The following TTYH1 variants were observed in gnomAD, a reference collection of about 807,000 sequenced individuals.
TTYH1 encodes tweety family member 1.
A neutral mutation model predicts 61.2 loss-of-function variants in TTYH1; 33 were observed. The ratio of observed to expected loss-of-function variants is 0.54; its 90% confidence interval spans 0.41 to 0.72. The LOEUF (loss-of-function observed/expected upper bound fraction) is 0.72. Ranked by LOEUF, TTYH1 falls within the 30% of genes least tolerant of loss-of-function variation. The probability of loss-of-function intolerance (pLI) is 0.00; values close to 1 mark genes in which losing one functional copy is unlikely to be tolerated. For missense variants in TTYH1, 538 were observed against 575.8 expected (o/e 0.93, Z 0.67); for synonymous variants, 308 against 266.4 (o/e 1.16, Z -1.52).
At chr19:54,432,744 G>C (rs865904286) in intron 10 of TTYH1, 3 of 152,064 alleles carry the variant, frequency 2.0e-5, no homozygotes, top group Non-Finnish European at 4.4e-5. Flanking sequence ...AAGTACGCCC[G>C]GTGCAATGCT....
intron 5 of TTYH1, among the ~76,000 whole-genome samples, chr19:54,427,093 T>C (rs553874358): frequency 1.3e-3 from 200 of 151,232 alleles, no homozygotes; most frequent in Non-Finnish European, 2.3e-3. Flanking sequence ...GGTCAGGAGT[T>C]TGAGACCAGC....
intron 5 of TTYH1, among the ~76,000 whole-genome samples, chr19:54,427,331 C>T (rs1434542210): frequency 3.5e-5 from 4 of 115,602 alleles, no homozygotes; most frequent in African/African-American, 6.5e-5. Context: ...AAAGGCTGGG[C>T]GTGGTGGCTC....
In TTYH1 at chr19:54,415,945, AG is replaced by A. The variant is rs1175432624; in HGVS notation, c.126+273del. 7.9e-6 allele frequency: 8 copies of A among 1,016,596 alleles called. No individual in the cohort carries two copies. The highest frequency in any genetic ancestry group is 3.2e-5 in the African/African-American group (2 of 61,586). 63.0% of individuals were successfully genotyped at this position (1,016,596 alleles called of 1,614,324 possible). On this transcript the variant is annotated intron_variant, in intron 1 of 13. Coordinates refer to ENST00000376530, the MANE Select transcript of TTYH1 (RefSeq NM_020659.4). The surrounding 1 kb of genome is among the most constrained non-coding windows in gnomAD (Gnocchi z 5.2). ...CCCCTGAGTTCATGGAGAGGAGGGG[AG>A]GGGGGCCCGGATTCCCGGGTGTCTG...
At chr19:54,423,232 C>T (rs1489603918) in intron 4 of TTYH1, among the ~76,000 whole-genome samples, 3 of 105,548 alleles carry the variant, frequency 2.8e-5, no homozygotes, top group Non-Finnish European at 6.0e-5. Flanking sequence ...GAGTCTCACT[C>T]TGTCGCCCAG....
rs977182163 is a variant in TTYH1, at chr19:54,421,720, G to A, written c.417+332G>A. On this transcript the variant is annotated intron_variant, in intron 3 of 13. Transcript: ENST00000376530. The surrounding 1 kb of genome is among the most constrained non-coding windows in gnomAD (Gnocchi z 4.8). ...ATTCTTGGCCCGTAAGCAAGCTCAG[G>A]GACCCCCGCCCTGAGGCCCAGGTCC... Among the ~76,000 whole-genome samples, 2 of 151,990 alleles carry A rather than the reference G, an allele frequency of 1.3e-5. No homozygotes were observed. The highest frequency in any genetic ancestry group is 2.9e-5 in the Non-Finnish European group (2 of 67,976).
At position 54,425,159 on chromosome 19, in the gene TTYH1, G is replaced by A. The variant is rs561251269; in HGVS notation, c.639-1514G>A. 3.9e-5 allele frequency among the ~76,000 whole-genome samples: 6 copies of A among 152,334 alleles called. No individual in the cohort carries two copies. In the South Asian group the frequency reaches 1.0e-3, roughly 26 times the overall value. The stretch of plus-strand genomic sequence containing the variant: ...AATGGCGAGCCTCTAGCCCGATTGG[G>A]AGCGGCAATGGGTGTCTCCCTGGAT... On this transcript the variant is annotated intron_variant, in intron 4 of 13. Transcript: ENST00000376530.
In TTYH1 at chr19:54,421,422, C is replaced by T. The variant is rs749874556; in HGVS notation, c.417+34C>T. On this transcript the variant is annotated intron_variant, in intron 3 of 13. Transcript: ENST00000376530. This position sits in a 1 kb window ranked among gnomAD's most constrained non-coding sequence, Gnocchi z 4.8. ...CCAGCAACCAGTGGGACCCCAGACC[C>T]ACACCTGGACGGGCTCCCCACACCC... 15 of 1,426,386 alleles carry T rather than the reference C, an allele frequency of 1.1e-5. No homozygotes were observed. The South Asian group carries it at 1.6e-4, about 15-fold the overall frequency. 88.4% of individuals were successfully genotyped at this position (1,426,386 alleles called of 1,614,324 possible).
chr19:54,430,935 G>T (rs189114469), intron 9 of TTYH1, 30 bp downstream of exon 9: 30,436 of 1,604,748 alleles, frequency 0.019, 352 homozygotes, highest in Middle Eastern at 0.024. Flanking sequence ...CCAGACACGC[G>T]GACCCCACGG....
chr19:54,436,524 C>A lies in TTYH1; in HGVS notation c.*234C>A. The A allele has an allele frequency of 2.5e-6, 2 of 802,658 alleles. 1 individual carries two copies. The highest frequency in any genetic ancestry group is 4.3e-5 in the Admixed American group (2 of 46,722). The allele number at this position is 802,658 out of a possible 1,614,324, so 49.7% of individuals were successfully genotyped here. On this transcript the variant is annotated 3_prime_UTR_variant, in exon 14 of 14. Coordinates refer to ENST00000376530, the MANE Select transcript of TTYH1 (RefSeq NM_020659.4). This position sits in a 1 kb window ranked among gnomAD's most constrained non-coding sequence, Gnocchi z 4.3. ...GGAGTAGGGCTGGCAGGGGAGGGGG[C>A]AGACAGCCTCGCCTCGCACCCTTCA...
chr19:54,427,313 A>C (rs2083341929), intron 5 of TTYH1, among the ~76,000 whole-genome samples: 1 of 127,014 alleles, frequency 7.9e-6, no homozygotes, highest in Non-Finnish European at 1.6e-5. Flanking sequence ...AAAAAAAAAA[A>C]AAAAAAAAAA....
chr19:54,417,914 A>G (rs972671224), intron 1 of TTYH1, among the ~76,000 whole-genome samples: 7 of 152,072 alleles, frequency 4.6e-5, no homozygotes, highest in African/African-American at 1.7e-4. Context: ...TGCACCCAGG[A>G]GACACACTCA....
At chr19:54,425,639 C>A (rs1375333734) in intron 4 of TTYH1, among the ~76,000 whole-genome samples, 1 of 152,150 alleles carries the variant, frequency 6.6e-6, no homozygotes, top group East Asian at 1.9e-4. Context: ...CTAGTCCTGT[C>A]TCTCACTGTG....
Position 54,419,422 on chromosome 19 carries a change from C to T in TTYH1, c.305+116C>T. ...GGAAGCAGACAGGAAGGAGGAAACT[C>T]CCTCGTCCCTGTCCCTGCCATTTGC... is the stretch of plus-strand genomic sequence containing the variant. On this transcript the variant is annotated intron_variant, in intron 2 of 13. Transcript: ENST00000376530. This position sits in a 1 kb window ranked among gnomAD's most constrained non-coding sequence, Gnocchi z 6.1. 3 of 1,120,414 alleles carry T rather than the reference C, an allele frequency of 2.7e-6. No homozygotes were observed. The highest frequency in any genetic ancestry group is 3.9e-6 in the Non-Finnish European group (3 of 767,594). 69.4% of individuals were successfully genotyped at this position (1,120,414 alleles called of 1,614,324 possible).
At chr19:54,423,165 T>C (rs2083254055) in intron 4 of TTYH1, among the ~76,000 whole-genome samples, 1 of 151,884 alleles carries the variant, frequency 6.6e-6, no homozygotes, top group African/African-American at 2.4e-5. Context: ...ACTCAGTCGT[T>C]CATCCGTGTG....
At position 54,421,217 on chromosome 19, in the gene TTYH1, G is replaced by A; in HGVS notation, c.306-60G>A. The A allele has an allele frequency of 9.0e-7, 1 of 1,115,756 alleles. No individual in the cohort carries two copies. Among genetic ancestry groups the A allele is most frequent in the South Asian group, 1.2e-5 (1 of 80,156 alleles). 69.1% of individuals were successfully genotyped at this position (1,115,756 alleles called of 1,614,324 possible). A position where few individuals can be genotyped will look rare whatever the true frequency, so the allele number is the denominator to read the frequency against. On this transcript the variant is annotated intron_variant, in intron 2 of 13. Coordinates refer to ENST00000376530, the MANE Select transcript of TTYH1 (RefSeq NM_020659.4). The surrounding 1 kb of genome is among the most constrained non-coding windows in gnomAD (Gnocchi z 4.8). ...AGGTGGAGGGGATGGGGTGGGAGGG[G>A]ACGGTGGCCCCCGGGGTCCTGGGAC...
At position 54,420,476 on chromosome 19, in the gene TTYH1, G is replaced by T. The variant is rs2083188622; in HGVS notation, c.306-801G>T. ...CACTGGGCGTCCGACCCGAGGGATGGGGGTGGAGGCCCAGCCGGGGCTGGG... is the reference window on the plus strand; with the variant it reads ...CACTGGGCGTCCGACCCGAGGGATGTGGGTGGAGGCCCAGCCGGGGCTGGG... On this transcript the variant is annotated intron_variant, in intron 2 of 13. Transcript: ENST00000376530. The surrounding 1 kb of genome is among the most constrained non-coding windows in gnomAD (Gnocchi z 4.8). 1.3e-5 allele frequency among the ~76,000 whole-genome samples: 2 copies of T among 152,038 alleles called. No homozygotes were observed. The highest frequency in any genetic ancestry group is 1.3e-4 in the Admixed American group (2 of 15,274).
In TTYH1 at chr19:54,425,671, G is replaced by T. The variant is rs369425305; in HGVS notation, c.639-1002G>T. ...TGTGGCTTGCATGCTTGCACCTCCT[G>T]AATCATGGTGGTGGGCCCTTCACTG... is the stretch of plus-strand genomic sequence containing the variant. On this transcript the variant is annotated intron_variant, in intron 4 of 13. Transcript: ENST00000376530. 4.0e-5 allele frequency among the ~76,000 whole-genome samples: 6 copies of T among 151,692 alleles called. No homozygotes were observed. The South Asian group carries it at 1.2e-3, about 32-fold the overall frequency.
rs2083220610 is a variant in TTYH1 at position 54,421,683 on chromosome 19, G to A, written c.417+295G>A. On this transcript the variant is annotated intron_variant, in intron 3 of 13. Coordinates refer to ENST00000376530, the MANE Select transcript of TTYH1 (RefSeq NM_020659.4). The surrounding 1 kb of genome is among the most constrained non-coding windows in gnomAD (Gnocchi z 4.8). ...CCCCTGTCCACGGGCCAGATCCAGG[G>A]CCCCAGACCTGATTCTTGGCCCGTA... Among the ~76,000 whole-genome samples the A allele has an allele frequency of 6.6e-6, 1 of 151,822 alleles. No homozygotes were observed. The highest frequency in any genetic ancestry group is 2.1e-4 in the South Asian group (1 of 4,806).
chr19:54,435,758 G>C, intron 11 of TTYH1, 70 bp from the exon 12 acceptor site: 1 of 1,612,520 alleles, frequency 6.2e-7, no homozygotes, highest in Non-Finnish European at 8.5e-7. Context: ...GGTGGCAGTG[G>C]GGGTGGGGGG....
Sources: allele counts gnomAD v4.1 joint callset (sites outside exome capture counted in the v4.1 genomes callset), GRCh38; gene constraint gnomAD v4.1.1; non-coding constraint Gnocchi (gnomAD v3.1); transcripts MANE v1.5; gene names NCBI Gene and HGNC (gene_info 2026-07-23, HGNC 2026-07-21).